The following MECOM variants were observed in gnomAD, a reference collection of about 807,000 sequenced individuals.
MECOM encodes the protein MDS1 and EVI1 complex locus.
In MECOM, 13 loss-of-function variants were observed where a neutral mutation model predicts 116.3. The ratio of observed to expected loss-of-function variants is 0.11; its 90% CI spans 0.07 to 0.18. MECOM has a LOEUF of 0.18. Ranked by LOEUF, MECOM falls within the 10% of genes least tolerant of loss-of-function variation. The pLI is 1.00. For synonymous variants in MECOM, 528 were observed against 535.2 expected (o/e 0.99, Z 0.19); for missense variants, 1,299 against 1,509.0 (o/e 0.86, Z 2.31).
chr3:169,389,498 C>T (rs1414806568), intron 1 of MECOM: 2 of 886,140 alleles, frequency 2.3e-6, no homozygotes, highest in Admixed American at 1.2e-4. Flanking sequence ...TATGTTTTAG[C>T]TATGTGCCTC....
intron 2 of MECOM, among the ~76,000 whole-genome samples, chr3:169,230,353 A>G (rs1168035510): frequency 6.6e-6 from 1 of 152,072 alleles, no homozygotes; most frequent in South Asian, 2.1e-4. Context: ...TGATGTTATA[A>G]TAATGCAGTG....
intron 1 of MECOM, among the ~76,000 whole-genome samples, chr3:169,413,140 TCCAACTGAGGTAC>T (rs1341405661): frequency 6.6e-6 from 1 of 152,220 alleles, no homozygotes; most frequent in East Asian, 1.9e-4. Flanking sequence ...TTTCTGCATT[TCCAACTGAGGTAC>T]CCAGTTCATC....
At chr3:169,433,643 A>G (rs1261627343) in intron 1 of MECOM, among the ~76,000 whole-genome samples, 3 of 94,670 alleles carry the variant, frequency 3.2e-5, no homozygotes, top group African/African-American at 4.5e-5. Context: ...GAGAAAGAGA[A>G]AGAAAGAAAG....
At chr3:169,590,815 GATCATGTGAA>G (rs1444392016) in intron 1 of MECOM, among the ~76,000 whole-genome samples, 1 of 152,212 alleles carries the variant, frequency 6.6e-6, no homozygotes, top group Non-Finnish European at 1.5e-5. Flanking sequence ...AACTGGAAGT[GATCATGTGAA>G]ATCAGTTTTA....
chr3:169,278,801 C>T (rs533006846), intron 2 of MECOM, among the ~76,000 whole-genome samples: 97 of 152,322 alleles, frequency 6.4e-4, no homozygotes, highest in African/African-American at 2.3e-3. Context: ...TCCTTCTGGT[C>T]GGTCCCTTGC....
intron 1 of MECOM, among the ~76,000 whole-genome samples, chr3:169,619,744 C>G (rs1451776455): frequency 6.6e-6 from 1 of 152,138 alleles, no homozygotes; most frequent in African/African-American, 2.4e-5. Context: ...CCCCTTCTGC[C>G]CAAGAATTTT....
intron 1 of MECOM, among the ~76,000 whole-genome samples, chr3:169,485,216 A>G (rs1025836257): frequency 2.0e-5 from 3 of 152,084 alleles, no homozygotes; most frequent in Non-Finnish European, 4.4e-5. Flanking sequence ...GATAGTCTCA[A>G]ACTCCTGACC....
chr3:169,469,479 C>T (rs1472530758), intron 1 of MECOM, among the ~76,000 whole-genome samples: 2 of 152,174 alleles, frequency 1.3e-5, no homozygotes, highest in East Asian at 3.8e-4. Flanking sequence ...AAACTACTAC[C>T]TATCACCCCT....
chr3:169,100,458 G>A (rs1198640564), intron 12 of MECOM, among the ~76,000 whole-genome samples: 2 of 151,860 alleles, frequency 1.3e-5, no homozygotes, highest in East Asian at 3.8e-4. Flanking sequence ...GCTGTGCTGG[G>A]GGAAAAAAAG....
intron 1 of MECOM, among the ~76,000 whole-genome samples, chr3:169,651,680 G>T (rs1336271779): frequency 6.6e-6 from 1 of 152,070 alleles, no homozygotes; most frequent in East Asian, 1.9e-4. Context: ...ATATGGTGCG[G>T]TGTATACTGC....
At position 169,635,079 on chromosome 3, in the gene MECOM, T is replaced by A. The variant is rs181401929; in HGVS notation, c.37+28257A>T. 5.5e-3 allele frequency among the ~76,000 whole-genome samples: 830 copies of A among 152,240 alleles called. 11 individuals carry two copies. Among genetic ancestry groups the A allele is most frequent in the African/African-American group, 0.019 (783 of 41,552 alleles). On this transcript the variant is annotated intron_variant, in intron 1 of 16. Coordinates refer to ENST00000651503, the MANE Select transcript of MECOM (RefSeq NM_004991.4). ...AGAGGCTCATGCAGTTCAGCCCTTG[T>A]GGCGCTGCCAGGGCATTGTCCGGGG...
At chr3:169,580,910 A>C (rs1257813990) in intron 1 of MECOM, among the ~76,000 whole-genome samples, 1 of 152,188 alleles carries the variant, frequency 6.6e-6, no homozygotes, top group Non-Finnish European at 1.5e-5. Context: ...GTGATACTGG[A>C]AATATCTGTT....
At chr3:169,507,992 G>A (rs985001514) in intron 1 of MECOM, among the ~76,000 whole-genome samples, 5 of 152,066 alleles carry the variant, frequency 3.3e-5, no homozygotes, top group African/African-American at 7.3e-5. Context: ...GTAACCATGA[G>A]ATACTTGTTT....
At chr3:169,555,950 AC>A (rs759449618) in intron 1 of MECOM, among the ~76,000 whole-genome samples, 2 of 152,232 alleles carry the variant, frequency 1.3e-5, no homozygotes, top group East Asian at 3.8e-4. Flanking sequence ...TAAGTCATGA[AC>A]ATCAGTGGTC....
At chr3:169,398,061 A>G (rs1198679198) in intron 1 of MECOM, among the ~76,000 whole-genome samples, 3 of 152,176 alleles carry the variant, frequency 2.0e-5, no homozygotes, top group Admixed American at 1.3e-4. Context: ...AATACCTGGG[A>G]TGAGCTTTGA....
At chr3:169,598,597 G>A (rs781362999) in intron 1 of MECOM, among the ~76,000 whole-genome samples, 9 of 152,160 alleles carry the variant, frequency 5.9e-5, no homozygotes, top group East Asian at 1.9e-4. Flanking sequence ...CAATTCTACC[G>A]CCACCTTGAA....
chr3:169,574,671 GA>G (rs1764275754), intron 1 of MECOM, among the ~76,000 whole-genome samples: 4 of 152,162 alleles, frequency 2.6e-5, no homozygotes, highest in Admixed American at 6.5e-5. Flanking sequence ...CTGAATATCA[GA>G]AATCCTTCAT....
Position 169,128,070 on chromosome 3 carries a change from C to T in MECOM, c.614-10G>A. The T allele has an allele frequency of 6.2e-7, 1 of 1,613,654 alleles. No homozygotes were observed. The highest frequency in any genetic ancestry group is 8.5e-7 in the Non-Finnish European group (1 of 1,179,664). ...CGATATTGCCGTTCTTCTGTGAAAA[C>T]AATTCAGGTGTTAGGATTGGGTGGT... On this transcript the variant is annotated splice_polypyrimidine_tract_variant and intron_variant, in intron 4 of 16. Transcript: ENST00000651503.
intron 1 of MECOM, among the ~76,000 whole-genome samples, chr3:169,587,797 C>T (rs563452288): frequency 3.0e-4 from 46 of 152,136 alleles, no homozygotes; most frequent in Middle Eastern, 3.4e-3. Flanking sequence ...TTTCCAGTTG[C>T]GTCTCCATGT....
Sources: gnomAD v4.1 joint callset for allele counts (sites outside exome capture counted in the v4.1 genomes callset) on GRCh38, gnomAD v4.1.1 for gene constraint, MANE v1.5 for transcripts, NCBI Gene and HGNC (gene_info 2026-07-23, HGNC 2026-07-21) for gene names.